The following PCDH15 variants were observed in gnomAD, a reference collection of about 807,000 sequenced individuals.
The protein encoded by PCDH15 is protocadherin-15.
Under a neutral mutation model 178.5 loss-of-function variants are expected in PCDH15, and 129 were observed. That is an observed-to-expected ratio of 0.72 (90% CI 0.63 to 0.84). PCDH15 has a LOEUF of 0.84. Ranked by LOEUF, PCDH15 falls within the 40% of genes least tolerant of loss-of-function variation. PCDH15 has a pLI of 0.00. For missense variants in PCDH15, 2,230 were observed against 2,099.9 expected (o/e 1.06, Z -1.21); for synonymous variants, 800 against 732.0 (o/e 1.09, Z -1.50).
intron 2 of PCDH15, among the ~76,000 whole-genome samples, chr10:55,620,279 T>C (rs909636853): frequency 2.0e-5 from 3 of 152,016 alleles, no homozygotes; most frequent in African/African-American, 4.8e-5. Flanking sequence ...TGTGAGAAGC[T>C]TGGGAATTGT....
chr10:54,325,561 C>T (rs1177314648), intron 7 of PCDH15, among the ~76,000 whole-genome samples: 18 of 151,994 alleles, frequency 1.2e-4, no homozygotes, highest in Admixed American at 1.2e-3. Flanking sequence ...CCAGCCTGAC[C>T]AACATGCTGA....
intron 3 of PCDH15, among the ~76,000 whole-genome samples, chr10:54,851,652 T>C (rs575518967): frequency 6.6e-6 from 1 of 152,160 alleles, no homozygotes; most frequent in Admixed American, 6.6e-5. Flanking sequence ...TGGAGTGCAG[T>C]GGCATGACCT....
chr10:54,174,685 TTTTTTC>T (rs1564605121), intron 13 of PCDH15, among the ~76,000 whole-genome samples: 1 of 133,574 alleles, frequency 7.5e-6, no homozygotes, highest in East Asian at 1.9e-4. Context: ...TCCTTCTTTC[TTTTTTC>T]TTTTTCTTTT....
chr10:55,303,568 A>G (rs1412957768), intron 1 of PCDH15, among the ~76,000 whole-genome samples: 2 of 152,158 alleles, frequency 1.3e-5, no homozygotes, highest in African/African-American at 4.8e-5. Flanking sequence ...CTTGATTTCC[A>G]GCTCAATTTC....
chr10:54,531,434 AAAGACAAAT>A (rs1280548897), intron 2 of PCDH15, among the ~76,000 whole-genome samples: 2 of 152,188 alleles, frequency 1.3e-5, no homozygotes. Context: ...GGAGAATTAA[AAAGACAAAT>A]AATGACTGAT....
intron 10 of PCDH15, among the ~76,000 whole-genome samples, chr10:54,213,111 T>A (rs1390330477): frequency 6.9e-6 from 1 of 144,634 alleles, no homozygotes. Flanking sequence ...AGGTTTTTTT[T>A]GCATGCTTAA....
At chr10:53,816,665 T>A (rs572841235) in intron 34 of PCDH15, among the ~76,000 whole-genome samples, 45 of 152,284 alleles carry the variant, frequency 3.0e-4, no homozygotes, top group Non-Finnish European at 2.5e-4. Flanking sequence ...TGCCCTTCTT[T>A]TTTTCCTTCC....
At chr10:55,301,307 TG>T (rs1174843120) in intron 1 of PCDH15, among the ~76,000 whole-genome samples, 2 of 152,196 alleles carry the variant, frequency 1.3e-5, no homozygotes, top group Non-Finnish European at 2.9e-5. Context: ...TTCTGATAGG[TG>T]TGAAGCGATG....
chr10:54,426,594 G>T (rs747025590), intron 3 of PCDH15, among the ~76,000 whole-genome samples: 6 of 152,098 alleles, frequency 3.9e-5, no homozygotes, highest in Non-Finnish European at 8.8e-5. Flanking sequence ...ATTTGCACAC[G>T]TCTCTCATGG....
chr10:55,044,984 T>A (rs1021109438), intron 2 of PCDH15, among the ~76,000 whole-genome samples: 1 of 152,110 alleles, frequency 6.6e-6, no homozygotes, highest in Non-Finnish European at 1.5e-5. Flanking sequence ...ATCACTGGGC[T>A]TACCTGACCC....
chr10:53,854,914 A>G (rs770815612), intron 28 of PCDH15, among the ~76,000 whole-genome samples: 2 of 152,066 alleles, frequency 1.3e-5, no homozygotes, highest in African/African-American at 2.4e-5. Context: ...TCACAATGAT[A>G]CGATTCTCTC....
intron 2 of PCDH15, among the ~76,000 whole-genome samples, chr10:55,158,877 G>T (rs1250592165): frequency 1.9e-4 from 12 of 62,912 alleles, no homozygotes; most frequent in Admixed American, 1.3e-3. Flanking sequence ...GGGAGAGAGG[G>T]AGGGAGAAGA....
chr10:54,470,856 C>G (rs2077869284), intron 3 of PCDH15, among the ~76,000 whole-genome samples: 1 of 152,086 alleles, frequency 6.6e-6, no homozygotes, highest in Non-Finnish European at 1.5e-5. Context: ...TTATCTACTC[C>G]TTATTTTGTG....
At chr10:54,735,523 C>T (rs1273468910) in intron 1 of PCDH15, among the ~76,000 whole-genome samples, 1 of 148,002 alleles carries the variant, frequency 6.8e-6, no homozygotes, top group African/African-American at 2.5e-5. Context: ...TGGGTATATA[C>T]CCAAAGGACT....
chr10:54,886,047 A>G (rs1564603148), intron 3 of PCDH15, among the ~76,000 whole-genome samples: 1 of 151,776 alleles, frequency 6.6e-6, no homozygotes, highest in Non-Finnish European at 1.5e-5. Context: ...CCTGCCCTCA[A>G]TTTAATTTAA....
At chr10:55,209,108 C>T (rs750737359) in intron 1 of PCDH15, among the ~76,000 whole-genome samples, 1 of 151,892 alleles carries the variant, frequency 6.6e-6, no homozygotes, top group Non-Finnish European at 1.5e-5. Context: ...AAAAGAAAAG[C>T]GTCAAGTGAG....
intron 2 of PCDH15, among the ~76,000 whole-genome samples, chr10:54,975,205 A>T (rs916014863): frequency 3.9e-5 from 6 of 152,184 alleles, no homozygotes; most frequent in African/African-American, 1.4e-4. Context: ...TTTTCCTATT[A>T]GATTTTCGAA....
intron 5 of PCDH15, among the ~76,000 whole-genome samples, chr10:54,358,400 C>T (rs1197460971): frequency 6.6e-6 from 1 of 152,096 alleles, no homozygotes; most frequent in Non-Finnish European, 1.5e-5. Flanking sequence ...AGCCAAAAAA[C>T]ACATGAAAAA....
intron 1 of PCDH15, among the ~76,000 whole-genome samples, chr10:54,762,019 C>T (rs1218897879): frequency 1.3e-5 from 2 of 152,078 alleles, no homozygotes; most frequent in Non-Finnish European, 2.9e-5. Context: ...CCACTGACAG[C>T]AGGCACTGGA....
Sources: allele counts gnomAD v4.1 joint callset (sites outside exome capture counted in the v4.1 genomes callset), GRCh38; gene constraint gnomAD v4.1.1; transcripts MANE v1.5; gene names NCBI Gene and HGNC (gene_info 2026-07-23, HGNC 2026-07-21).